SLMAP: variants seen among roughly 807,000 people sequenced by gnomAD.
The protein encoded by SLMAP is sarcolemma associated protein, also known as sarcolemmal membrane-associated protein.
SLMAP carries 44 observed loss-of-function variants against 128.8 expected under a neutral mutation model. The ratio of observed to expected loss-of-function variants is 0.34; its 90% confidence interval spans 0.27 to 0.44. The LOEUF is 0.44. Ranked by LOEUF, SLMAP falls within the 20% of genes least tolerant of loss-of-function variation. The probability of loss-of-function intolerance (pLI) is 1.00; values close to 1 mark genes in which losing one functional copy is unlikely to be tolerated. For missense variants in SLMAP, 787 were observed against 985.3 expected, an observed-to-expected ratio of 0.80 and a Z score of 2.69; for synonymous variants, 327 against 348.8, an observed-to-expected ratio of 0.94 and a Z score of 0.70.
chr3:57,867,994 C>G (rs1376269873), intron 13 of SLMAP, among the ~76,000 whole-genome samples: 2 of 152,108 alleles, frequency 1.3e-5, no homozygotes, highest in African/African-American at 4.8e-5. Flanking sequence ...GGTGTGGTGG[C>G]TCACACCTAT....
intron 2 of SLMAP, among the ~76,000 whole-genome samples, chr3:57,786,997 A>C (rs970115817): frequency 1.3e-5 from 2 of 151,968 alleles, no homozygotes; most frequent in Non-Finnish European, 2.9e-5. Flanking sequence ...CGGCCTCCCA[A>C]AGTGTTGGGA....
At chr3:57,869,662 T>TATATA (rs1560338673) in intron 13 of SLMAP, among the ~76,000 whole-genome samples, 15 of 113,372 alleles carry the variant, frequency 1.3e-4, no homozygotes, top group African/African-American at 4.4e-4. Flanking sequence ...ATATATATAA[T>TATATA]ATATATAAAC....
chr3:57,862,444 C>A (rs539139773), intron 10 of SLMAP, among the ~76,000 whole-genome samples: 5 of 151,940 alleles, frequency 3.3e-5, no homozygotes, highest in South Asian at 4.2e-4. Context: ...TTGAGACCAT[C>A]CTGGCCAACA....
Position 57,860,828 on chromosome 3 carries a change from T to A in SLMAP, c.817T>A (p.Ser273Thr). ...GAAAATTGAAGTGGTTAGAAAACTT[T>A]CAGAAGTTGAGGTATTTCAATCAAA... ...QEKIEVVRKL[S>T]EVERSLSNTE... Residue 273 changes from serine (S) to threonine (T), a missense_variant, in exon 9 of 25, where the codon TCA (serine) becomes ACA (threonine). This residue lies in a region of SLMAP where 715 missense variants were observed against 843.6 expected (regional missense o/e 0.85). Coordinates refer to ENST00000671191, the MANE Select transcript of SLMAP (RefSeq NM_001377540.1). The A allele has an allele frequency of 6.3e-7, 1 of 1,586,766 alleles. No individual in the cohort carries two copies. The highest frequency in any genetic ancestry group is 8.5e-7 in the Non-Finnish European group (1 of 1,173,064).
chr3:57,834,759 G>T (rs2093539552), intron 3 of SLMAP, among the ~76,000 whole-genome samples: 1 of 151,854 alleles, frequency 6.6e-6, no homozygotes, highest in African/African-American at 2.4e-5. Context: ...ATCTGATAAA[G>T]ATATAGATAC....
Position 57,757,358 on chromosome 3 carries a change from G to A in SLMAP, c.-294G>A. On this transcript the variant is annotated 5_prime_UTR_variant, in exon 2 of 25. Transcript: ENST00000671191. The stretch of plus-strand genomic sequence containing the variant: ...TCCAGGAGTTTTCTTGGCCGAAGCT[G>A]CCCGATGTTTGAGCCTTTTCTTCCC... 1 of 469,976 alleles carries A rather than the reference G, an allele frequency of 2.1e-6. No homozygotes were observed. Among genetic ancestry groups the A allele is most frequent in the Non-Finnish European group, 3.9e-6 (1 of 256,688 alleles). 29.1% of individuals were successfully genotyped at this position (469,976 alleles called of 1,614,324 possible). A position where few individuals can be genotyped will look rare whatever the true frequency, so the allele number is the denominator to read the frequency against.
At chr3:57,814,182 C>T (rs1435875273) in intron 2 of SLMAP, among the ~76,000 whole-genome samples, 2 of 151,820 alleles carry the variant, frequency 1.3e-5, no homozygotes, top group Admixed American at 1.3e-4. Context: ...CGAGGGTGTC[C>T]TTCAGTTGCC....
chr3:57,810,910 G>T (rs990042873), intron 2 of SLMAP, among the ~76,000 whole-genome samples: 1 of 152,036 alleles, frequency 6.6e-6, no homozygotes, highest in African/African-American at 2.4e-5. Context: ...CATGTCCTTG[G>T]ACCTGTTGTC....
At chr3:57,868,822 A>ATATAT (rs3037513) in intron 13 of SLMAP, among the ~76,000 whole-genome samples, 10 of 136,706 alleles carry the variant, frequency 7.3e-5, no homozygotes, top group African/African-American at 2.7e-4. Context: ...ATATATATAT[A>ATATAT]AAATATATAT....
At chr3:57,894,593 A>G (rs1290520555) in intron 15 of SLMAP, among the ~76,000 whole-genome samples, 2 of 152,254 alleles carry the variant, frequency 1.3e-5, no homozygotes, top group African/African-American at 4.8e-5. Flanking sequence ...ATATACATAT[A>G]CACAGAATAA....
At chr3:57,857,674 A>G (rs905125322) in intron 6 of SLMAP, 59 bp from the exon 7 acceptor site, 13 of 1,080,976 alleles carry the variant, frequency 1.2e-5, no homozygotes, top group Non-Finnish European at 1.8e-5. Flanking sequence ...AAAATTGATC[A>G]CTCCTCAAAA....
intron 22 of SLMAP, among the ~76,000 whole-genome samples, chr3:57,919,656 T>C (rs1299218751): frequency 6.6e-6 from 1 of 151,666 alleles, no homozygotes; most frequent in Non-Finnish European, 1.5e-5. Flanking sequence ...TAGCCAGGCA[T>C]GGTGGCGCAT....
intron 2 of SLMAP, among the ~76,000 whole-genome samples, chr3:57,783,274 G>T (rs967194603): frequency 9.9e-5 from 15 of 152,192 alleles, no homozygotes; most frequent in African/African-American, 3.4e-4. Context: ...AAGTGTTCAT[G>T]ATCAAAATAT....
chr3:57,803,998 T>C (rs1414051125), intron 2 of SLMAP, among the ~76,000 whole-genome samples: 1 of 152,242 alleles, frequency 6.6e-6, no homozygotes, highest in Non-Finnish European at 1.5e-5. Context: ...GTAGAGTTCT[T>C]CTGTATGGGT....
intron 14 of SLMAP, among the ~76,000 whole-genome samples, chr3:57,882,949 A>G (rs1382591942): frequency 1.3e-5 from 2 of 152,164 alleles, no homozygotes; most frequent in African/African-American, 4.8e-5. Context: ...GCATTTGCAA[A>G]CAACTATTAT....
chr3:57,823,462 AT>A (rs531575655), intron 2 of SLMAP, among the ~76,000 whole-genome samples: 159 of 152,214 alleles, frequency 1.0e-3, no homozygotes, highest in African/African-American at 3.7e-3. Context: ...GAGTGAGAAC[AT>A]GTGGTGTTTG....
At chr3:57,791,415 A>G (rs1228885107) in intron 2 of SLMAP, among the ~76,000 whole-genome samples, 1 of 151,976 alleles carries the variant, frequency 6.6e-6, no homozygotes, top group East Asian at 1.9e-4. Context: ...GAGCCTTTGT[A>G]CTCTTTACTT....
At chr3:57,927,060 C>G (rs1321821546) in intron 24 of SLMAP, among the ~76,000 whole-genome samples, 48 of 152,100 alleles carry the variant, frequency 3.2e-4, no homozygotes, top group Non-Finnish European at 2.9e-5. Context: ...TGAAAACTTC[C>G]CAGGACTTTC....
chr3:57,833,547 G>A (rs1226666307), intron 3 of SLMAP, among the ~76,000 whole-genome samples: 1 of 151,836 alleles, frequency 6.6e-6, no homozygotes, highest in Admixed American at 6.6e-5. Flanking sequence ...AGCCTCTCGA[G>A]TAGCTGGGAC....
Sources: allele counts gnomAD v4.1 joint callset (sites outside exome capture counted in the v4.1 genomes callset), GRCh38; gene constraint gnomAD v4.1.1; regional missense constraint gnomAD v4.1.1; transcripts MANE v1.5; gene names NCBI Gene and HGNC (gene_info 2026-07-23, HGNC 2026-07-21).